RBBP7: variants seen among roughly 807,000 people sequenced by gnomAD.
RBBP7 encodes the protein histone-binding protein RBBP7.
RBBP7 carries 5 observed loss-of-function variants against 35.2 expected under a neutral mutation model. The observed-to-expected ratio is 0.14, with a 90% CI of 0.07 to 0.30. RBBP7 has a LOEUF of 0.30. RBBP7 is among the 10% of genes least tolerant of loss of function. The pLI is 1.00. For synonymous variants in RBBP7, 140 were observed against 118.7 expected (o/e 1.18, Z -1.17); for missense variants, 155 against 327.5 (o/e 0.47, Z 4.07).
At chrX:16,864,126 T>TA (rs1046302281) in intron 2 of RBBP7, among the ~76,000 whole-genome samples, 1 of 107,822 alleles carries the variant, frequency 9.3e-6, no homozygotes, top group African/African-American at 3.4e-5. Context: ...TGGCTTACGG[T>TA]AAAAAAGTGT....
intron 11 of RBBP7, 94 bp downstream of exon 11, chrX:16,845,734 T>A (rs1249674789): frequency 2.1e-5 from 23 of 1,099,746 alleles, no homozygotes; most frequent in Admixed American, 7.0e-5. Flanking sequence ...TGGCATAATA[T>A]GCACCTACAT....
intron 10 of RBBP7, chrX:16,848,008 T>C (rs750000521): frequency 8.9e-6 from 1 of 112,130 alleles, no homozygotes; most frequent in Non-Finnish European, 1.9e-5. Flanking sequence ...CTAAAAAAAA[T>C]AGCTGGAGAC....
intron 10 of RBBP7, chrX:16,848,516 A>C: frequency 8.9e-6 from 1 of 112,225 alleles, no homozygotes; most frequent in East Asian, 2.8e-4. Context: ...GGTTCACAGA[A>C]AAAATGAATA....
rs1425209953 is a variant in RBBP7, at chrX:16,849,240, G to A, written c.1098+4C>T. On this transcript the variant is annotated splice_donor_region_variant and intron_variant, in intron 10 of 11. Transcript: ENST00000380087. The stretch of plus-strand genomic sequence containing the variant: ...CATTTCATCTTCTATAAGCCAATGC[G>A]TACCAGGAGTTCTGGAGGCCCATCT... 1.7e-5 allele frequency: 21 copies of A among 1,207,270 alleles called. No individual in the cohort carries two copies. The highest frequency in any genetic ancestry group is 8.8e-5 in the South Asian group (5 of 56,576).
At chrX:16,848,008 T>A (rs750000521) in intron 10 of RBBP7, 1 of 112,184 alleles carries the variant, frequency 8.9e-6, no homozygotes, top group East Asian at 2.8e-4. Flanking sequence ...CTAAAAAAAA[T>A]AGCTGGAGAC....
intron 5 of RBBP7, among the ~76,000 whole-genome samples, chrX:16,854,932 A>G (rs755677243): frequency 9.1e-6 from 1 of 109,914 alleles, no homozygotes; most frequent in African/African-American, 3.3e-5. Flanking sequence ...AATAAGAAAT[A>G]ATACCATGAA....
chrX:16,845,571 A>G (rs750579177), intron 11 of RBBP7, among the ~76,000 whole-genome samples: 4 of 112,192 alleles, frequency 3.6e-5, no homozygotes, highest in Non-Finnish European at 7.5e-5. Context: ...GTGTATGAAG[A>G]GCACAACAAC....
At chrX:16,849,407 T>C in intron 9 of RBBP7, 106 bp from the exon 10 acceptor site, 1 of 696,155 alleles carries the variant, frequency 1.4e-6, no homozygotes, top group Non-Finnish European at 2.1e-6. Context: ...ATAAACACAC[T>C]CACAAAAACA....
At position 16,844,963 on chromosome X, in the gene RBBP7, C is replaced by G; in HGVS notation, c.*72G>C. The G allele has an allele frequency of 9.9e-7, 1 of 1,013,196 alleles. No homozygotes were observed. The highest frequency in any genetic ancestry group is 2.3e-5 in the Admixed American group (1 of 43,903). 83.5% of individuals were successfully genotyped at this position (1,013,196 alleles called of 1,213,427 possible). On this transcript the variant is annotated 3_prime_UTR_variant, in exon 12 of 12. Coordinates refer to ENST00000380087, the MANE Select transcript of RBBP7 (RefSeq NM_002893.4). Reference sequence around the variant, plus strand: ...ACTTACATTTCCTACTATACAATGCCTTTTTGGCGCTTGATAAATCAAGCA... The same window carrying G: ...ACTTACATTTCCTACTATACAATGCGTTTTTGGCGCTTGATAAATCAAGCA...
At position 16,852,755 on chromosome X, in the gene RBBP7, C is replaced by T. The variant is rs200419169; in HGVS notation, c.879G>A (p.Ala293=). The change falls in exon 7 of 12, where the codon GCG becomes GCA. Residue 293 remains alanine, a synonymous_variant. Transcript: ENST00000380087. Reference sequence around the variant, plus strand: ...AATGCAAAAACTTCGAAACCTTATCCGCAGAGCCGGTGGCTAGAATAAATT... The same window carrying T: ...AATGCAAAAACTTCGAAACCTTATCTGCAGAGCCGGTGGCTAGAATAAATT... ...YSEFILATGS[A]DKTVALWDLR... The T allele has an allele frequency of 3.4e-4, 411 of 1,210,685 alleles. 1 individual carries two copies. The East Asian group carries it at 0.012, about 35-fold the overall frequency.
intron 5 of RBBP7, among the ~76,000 whole-genome samples, chrX:16,854,974 C>A (rs1930310339): frequency 1.2e-5 from 1 of 84,899 alleles, no homozygotes; most frequent in Non-Finnish European, 2.1e-5. Flanking sequence ...GTTCCACCGA[C>A]ACTGGTATGG....
Position 16,844,855 on chromosome X carries a change from C to T in RBBP7, c.*180G>A. 2 of 352,591 alleles carry T rather than the reference C, an allele frequency of 5.7e-6. No homozygotes were observed. The highest frequency in any genetic ancestry group is 9.0e-5 in the South Asian group (1 of 11,148). 29.1% of individuals were successfully genotyped at this position (352,591 alleles called of 1,213,427 possible). A position where few individuals can be genotyped will look rare whatever the true frequency, so the allele number is the denominator to read the frequency against. ...TTCTTAAGCAACATTCTTCTCTTCC[C>T]TAATAGCTACAATATGATACAGTAC... On this transcript the variant is annotated 3_prime_UTR_variant, in exon 12 of 12. Transcript: ENST00000380087.
chrX:16,856,075 C>G (rs1406831529), intron 5 of RBBP7, among the ~76,000 whole-genome samples: 1 of 104,383 alleles, frequency 9.6e-6, no homozygotes, highest in Admixed American at 1.0e-4. Flanking sequence ...GGGACTTATA[C>G]CTAGAATACA....
chrX:16,849,369 G>C (rs1305729896), intron 9 of RBBP7, 68 bp from the exon 10 acceptor site: 5 of 946,829 alleles, frequency 5.3e-6, no homozygotes, highest in Non-Finnish European at 7.4e-6. Context: ...TGCTAAACCA[G>C]TATCAGCCCA....
chrX:16,862,780 C>G (rs1930506109), intron 3 of RBBP7, among the ~76,000 whole-genome samples, 175 bp downstream of exon 3: 1 of 112,253 alleles, frequency 8.9e-6, no homozygotes, highest in South Asian at 3.7e-4. Context: ...CCTAATTTTT[C>G]AATTCTGCAA....
At chrX:16,861,008 T>A (rs1041640074) in intron 3 of RBBP7, among the ~76,000 whole-genome samples, 1 of 110,873 alleles carries the variant, frequency 9.0e-6, no homozygotes, top group South Asian at 3.8e-4. Context: ...ACCCAGTCTC[T>A]ACTAAAAATA....
chrX:16,866,156 T>A (rs1219624032), intron 2 of RBBP7, among the ~76,000 whole-genome samples: 1 of 111,667 alleles, frequency 9.0e-6, no homozygotes, highest in African/African-American at 3.3e-5. Flanking sequence ...GACAATAAGT[T>A]AGTCTCAATA....
intron 9 of RBBP7, among the ~76,000 whole-genome samples, chrX:16,850,881 G>A (rs1410013065): frequency 1.8e-5 from 2 of 112,013 alleles, no homozygotes; most frequent in Non-Finnish European, 1.9e-5. Flanking sequence ...GGAGAATCAC[G>A]TGGGGTCAGG....
rs143603015 is a variant in RBBP7 at position 16,855,797 on chromosome X, G to T, written c.597+1797C>A. ...GGATCACTTGAGCCCGGGAGTTCAA[G>T]ACCAGTTTGGGCAATACGGCAAAAC... On this transcript the variant is annotated intron_variant, in intron 5 of 11. Coordinates refer to ENST00000380087, the MANE Select transcript of RBBP7 (RefSeq NM_002893.4). Among the ~76,000 whole-genome samples, 44 of 109,090 alleles carry T rather than the reference G, an allele frequency of 4.0e-4. No homozygotes were observed. The East Asian group carries it at 0.012, about 30-fold the overall frequency. The allele number at this position is 109,090 out of a possible 115,157, so 94.7% of individuals were successfully genotyped here.
Sources: allele counts gnomAD v4.1 joint callset (sites outside exome capture counted in the v4.1 genomes callset), GRCh38; gene constraint gnomAD v4.1.1; transcripts MANE v1.5; gene names NCBI Gene and HGNC (gene_info 2026-07-23, HGNC 2026-07-21).